Variants in TAFA4 observed in about 807,000 individuals in gnomAD.
TAFA4 encodes the protein chemokine-like protein TAFA-4.
Under a neutral mutation model 21.1 loss-of-function variants are expected in TAFA4, and 20 were observed. The ratio of observed to expected loss-of-function variants is 0.95; its 90% CI spans 0.67 to 1.38. The LOEUF (loss-of-function observed/expected upper bound fraction) is 1.38. TAFA4 is among the 40% of genes most tolerant of loss of function. TAFA4 has a pLI of 0.00. For missense variants in TAFA4, 211 were observed against 180.9 expected (o/e 1.17, Z -0.95); for synonymous variants, 71 against 67.4 (o/e 1.05, Z -0.26).
chr3:68,785,196 G>C (rs531214618), intron 3 of TAFA4, among the ~76,000 whole-genome samples: 4 of 152,292 alleles, frequency 2.6e-5, no homozygotes, highest in African/African-American at 7.2e-5. Context: ...CAATCCCCTA[G>C]CTAGACATAA....
chr3:68,890,174 A>G (rs779915057), intron 1 of TAFA4, among the ~76,000 whole-genome samples: 4 of 152,228 alleles, frequency 2.6e-5, no homozygotes, highest in Non-Finnish European at 5.9e-5. Context: ...TCAAGAAGAA[A>G]GAGAGACAGA....
intron 3 of TAFA4, among the ~76,000 whole-genome samples, chr3:68,762,781 G>A (rs1196607578): frequency 6.6e-6 from 1 of 152,242 alleles, no homozygotes; most frequent in African/African-American, 2.4e-5. Context: ...GCTCACGCCT[G>A]TAATCTCAGC....
intron 2 of TAFA4, 139 bp from the exon 3 acceptor site, chr3:68,880,984 C>A: frequency 3.1e-6 from 2 of 637,964 alleles, no homozygotes; most frequent in Non-Finnish European, 5.6e-6. Flanking sequence ...AACAGAAGAC[C>A]AATCAAACCT....
At chr3:68,863,694 C>T (rs1382556544) in intron 3 of TAFA4, among the ~76,000 whole-genome samples, 1 of 152,146 alleles carries the variant, frequency 6.6e-6, no homozygotes, top group African/African-American at 2.4e-5. Context: ...CAGAGCTGCA[C>T]AGATGTGATC....
chr3:68,768,027 T>C (rs1005013085), intron 3 of TAFA4, among the ~76,000 whole-genome samples: 7 of 152,080 alleles, frequency 4.6e-5, no homozygotes, highest in African/African-American at 1.7e-4. Context: ...ACACACAACT[T>C]GTTATAAGAA....
At chr3:68,737,368 A>T (rs575168867) in intron 5 of TAFA4, among the ~76,000 whole-genome samples, 2 of 152,288 alleles carry the variant, frequency 1.3e-5, no homozygotes, top group South Asian at 4.1e-4. Context: ...GCTTAGAATG[A>T]TACGAGTGTT....
At chr3:68,850,218 T>C (rs1274775741) in intron 3 of TAFA4, among the ~76,000 whole-genome samples, 1 of 152,120 alleles carries the variant, frequency 6.6e-6, no homozygotes, top group Non-Finnish European at 1.5e-5. Flanking sequence ...TTGCCTAAGG[T>C]AGGGAATTGA....
chr3:68,867,156 G>A (rs2089430250), intron 3 of TAFA4, among the ~76,000 whole-genome samples: 1 of 152,064 alleles, frequency 6.6e-6, no homozygotes, highest in Non-Finnish European at 1.5e-5. Flanking sequence ...AAAGGTCAAG[G>A]AAAAAGAGAG....
At chr3:68,763,168 G>A (rs1038564884) in intron 3 of TAFA4, among the ~76,000 whole-genome samples, 8 of 152,204 alleles carry the variant, frequency 5.3e-5, no homozygotes, top group African/African-American at 1.9e-4. Flanking sequence ...ATTCAAAAGA[G>A]AGTGATTTAA....
Position 68,897,567 on chromosome 3 carries a change from A to C in TAFA4, c.-122-12257T>G, listed in dbSNP as rs1049139302. 3.9e-5 allele frequency among the ~76,000 whole-genome samples: 6 copies of C among 152,128 alleles called. No homozygotes were observed. In the East Asian group the frequency reaches 7.8e-4, roughly 20 times the overall value. On this transcript the variant is annotated intron_variant, in intron 1 of 5. Transcript: ENST00000295569. ...CTTGAACCCGGGAGGCAGAGGTTGCAGTGAGCTGAGATCATGCCATTGCAC... is the reference window on the plus strand; with the variant it reads ...CTTGAACCCGGGAGGCAGAGGTTGCCGTGAGCTGAGATCATGCCATTGCAC...
intron 3 of TAFA4, among the ~76,000 whole-genome samples, chr3:68,859,492 A>C (rs2106920779): frequency 6.6e-6 from 1 of 152,266 alleles, no homozygotes; most frequent in South Asian, 2.1e-4. Context: ...ATAATCCATA[A>C]TAAAATAGAG....
intron 1 of TAFA4, 132 bp from the exon 2 acceptor site, chr3:68,885,442 A>G (rs2089662123): frequency 9.8e-6 from 5 of 511,634 alleles, no homozygotes; most frequent in Non-Finnish European, 1.7e-5. Context: ...GCAGACAGCC[A>G]AACATATCCA....
intron 1 of TAFA4, among the ~76,000 whole-genome samples, chr3:68,906,942 G>C (rs2089906524): frequency 1.4e-5 from 2 of 142,910 alleles, no homozygotes; most frequent in South Asian, 4.6e-4. Context: ...GACGTGGGAA[G>C]ATCACTTGAG....
At chr3:68,765,679 T>G (rs1394487859) in intron 3 of TAFA4, among the ~76,000 whole-genome samples, 2 of 152,040 alleles carry the variant, frequency 1.3e-5, no homozygotes, top group Non-Finnish European at 2.9e-5. Context: ...AAGACCCCAC[T>G]AAAACCAAAG....
intron 3 of TAFA4, among the ~76,000 whole-genome samples, chr3:68,765,116 A>T (rs187189916): frequency 1.3e-5 from 2 of 152,278 alleles, no homozygotes; most frequent in East Asian, 3.9e-4. Flanking sequence ...AGAAGATAAA[A>T]ATAAACAAAA....
chr3:68,745,463 A>T (rs889666229), intron 4 of TAFA4, among the ~76,000 whole-genome samples: 1 of 152,174 alleles, frequency 6.6e-6, no homozygotes, highest in African/African-American at 2.4e-5. Context: ...ACTTATGAAA[A>T]CACATAATAC....
In TAFA4 at chr3:68,868,858, T is replaced by C. The variant is rs183983404; in HGVS notation, c.130+11872A>G. On this transcript the variant is annotated intron_variant, in intron 3 of 5. Transcript: ENST00000295569. ...GAAGACAACCAACCAAATCCAAAAT[T>C]AGTAGAAGGAATGAAATAATACCAG... 3.3e-3 allele frequency among the ~76,000 whole-genome samples: 499 copies of C among 151,872 alleles called. 1 individual carries two copies. The highest frequency in any genetic ancestry group is 0.012 in the African/African-American group (480 of 41,492).
intron 3 of TAFA4, among the ~76,000 whole-genome samples, chr3:68,866,651 T>TAAAAAAAAAAA (rs59878536): frequency 1.6e-4 from 2 of 12,402 alleles, no homozygotes; most frequent in Admixed American, 1.8e-3. Flanking sequence ...ATAGCAGTTC[T>TAAAAAAAAAAA]AAAAAAAAAA....
chr3:68,919,170 G>A (rs2090033739), intron 1 of TAFA4, among the ~76,000 whole-genome samples: 2 of 152,138 alleles, frequency 1.3e-5, no homozygotes, highest in Non-Finnish European at 2.9e-5. Context: ...AAACAGCAGC[G>A]CCCAAGGAGC....
Sources: gnomAD v4.1 joint callset for allele counts (sites outside exome capture counted in the v4.1 genomes callset) on GRCh38, gnomAD v4.1.1 for gene constraint, MANE v1.5 for transcripts, NCBI Gene and HGNC (gene_info 2026-07-23, HGNC 2026-07-21) for gene names.